FMN2: variants seen among roughly 807,000 people sequenced by gnomAD.
The protein encoded by FMN2 is formin-2.
A neutral mutation model predicts 142.3 loss-of-function variants in FMN2; 51 were observed. The ratio of observed to expected loss-of-function variants is 0.36; its 90% CI spans 0.29 to 0.45. The LOEUF is 0.45. Ranked by LOEUF, FMN2 falls within the 20% of genes least tolerant of loss-of-function variation. The pLI is 1.00. For missense variants in FMN2, 1,936 were observed against 2,122.8 expected (o/e 0.91, Z 1.73); for synonymous variants, 882 against 869.8 (o/e 1.01, Z -0.25).
chr1:240,217,635 G>C (rs1050458997), intron 6 of FMN2, among the ~76,000 whole-genome samples: 1 of 151,862 alleles, frequency 6.6e-6, no homozygotes, highest in African/African-American at 2.4e-5. Flanking sequence ...GTGGAATCTG[G>C]ATTTGTTTAA....
At position 240,474,157 on chromosome 1, in the gene FMN2, A is replaced by G. The variant is rs745754638; in HGVS notation, c.*3A>G. 2.6e-6 allele frequency: 4 copies of G among 1,551,834 alleles called. No individual in the cohort carries two copies. The highest frequency in any genetic ancestry group is 3.5e-6 in the Non-Finnish European group (4 of 1,157,974). On this transcript the variant is annotated 3_prime_UTR_variant, in exon 18 of 18. Transcript: ENST00000319653. ...CAAAGATAAGCATGAAAACTTGAAC[A>G]ATGAAAAGCAGAATGAAAATGAGTC...
chr1:240,420,277 C>T (rs1352654106), intron 15 of FMN2, among the ~76,000 whole-genome samples: 1 of 152,048 alleles, frequency 6.6e-6, no homozygotes, highest in Admixed American at 6.6e-5. Flanking sequence ...TGCTGGTGTG[C>T]CTACTTCTCT....
chr1:240,358,454 C>G (rs1672347594), intron 14 of FMN2, among the ~76,000 whole-genome samples: 1 of 152,170 alleles, frequency 6.6e-6, no homozygotes, highest in Admixed American at 6.5e-5. Context: ...GAATATGTTT[C>G]CTGTTCTAGT....
intron 2 of FMN2, among the ~76,000 whole-genome samples, chr1:240,175,641 C>T (rs773896452): frequency 6.6e-6 from 1 of 151,918 alleles, no homozygotes; most frequent in Non-Finnish European, 1.5e-5. Context: ...GCCACTATAC[C>T]TGGCTAATTT....
intron 16 of FMN2, among the ~76,000 whole-genome samples, chr1:240,462,955 AG>A (rs1458211300): frequency 6.6e-6 from 1 of 152,186 alleles, no homozygotes; most frequent in African/African-American, 2.4e-5. Context: ...AGGCAGTCCC[AG>A]GGGAACAGAT....
intron 6 of FMN2, among the ~76,000 whole-genome samples, chr1:240,215,811 C>T (rs375482319): frequency 3.9e-5 from 6 of 152,146 alleles, no homozygotes; most frequent in East Asian, 1.9e-4. Context: ...CGGGTTCAAG[C>T]GATTCTCCTG....
chr1:240,264,369 ATTTG>A (rs1668725513), intron 7 of FMN2, among the ~76,000 whole-genome samples: 1 of 152,120 alleles, frequency 6.6e-6, no homozygotes, highest in Non-Finnish European at 1.5e-5. Context: ...TCTTTTTTAA[ATTTG>A]TTTATTTATT....
At chr1:240,120,607 A>G (rs1662196418) in intron 1 of FMN2, among the ~76,000 whole-genome samples, 1 of 152,208 alleles carries the variant, frequency 6.6e-6, no homozygotes, top group Non-Finnish European at 1.5e-5. Flanking sequence ...GTCAGTGAGG[A>G]AGGTCAACTT....
chr1:240,245,594 C>T (rs1015433292), intron 6 of FMN2: 16 of 470,906 alleles, frequency 3.4e-5, no homozygotes, highest in Admixed American at 1.6e-4. Flanking sequence ...TATGGTTTTC[C>T]GTGCATTTAC....
intron 14 of FMN2, among the ~76,000 whole-genome samples, chr1:240,375,752 C>CTG (rs947028969): frequency 6.6e-6 from 1 of 152,302 alleles, no homozygotes; most frequent in African/African-American, 2.4e-5. Flanking sequence ...CATTCCCCAG[C>CTG]TGCAAGGGTG....
intron 15 of FMN2, among the ~76,000 whole-genome samples, chr1:240,416,737 A>G (rs1674588608): frequency 6.8e-6 from 1 of 146,822 alleles, no homozygotes; most frequent in South Asian, 2.2e-4. Context: ...AGAAATTTTG[A>G]TTTGTTGATT....
chr1:240,184,983 C>G (rs1665353117), intron 3 of FMN2, among the ~76,000 whole-genome samples: 3 of 147,122 alleles, frequency 2.0e-5, no homozygotes, highest in African/African-American at 7.5e-5. Flanking sequence ...CCTTCCCCTT[C>G]TCTTTCTCCC....
chr1:240,206,197 T>A (rs1558359368), intron 4 of FMN2, among the ~76,000 whole-genome samples: 1 of 152,160 alleles, frequency 6.6e-6, no homozygotes, highest in East Asian at 1.9e-4. Context: ...AACCACCATG[T>A]CTGGCCATCA....
intron 14 of FMN2, among the ~76,000 whole-genome samples, chr1:240,381,235 G>T (rs111673074): frequency 5.3e-5 from 8 of 151,842 alleles, no homozygotes; most frequent in Non-Finnish European, 1.2e-4. Context: ...AACACACAGG[G>T]GTATATCTCT....
At position 240,392,574 on chromosome 1, in the gene FMN2, C is replaced by T. The variant is rs1673640094; in HGVS notation, c.4910+12C>T. ...GAGACTCATAAATGGTGAGAAATTA[C>T]TTTATTTCCTCCCAGAATAGCGTTA... On this transcript the variant is annotated intron_variant, in intron 15 of 17. Coordinates refer to ENST00000319653, the MANE Select transcript of FMN2 (RefSeq NM_020066.5). 1 of 1,600,878 alleles carries T rather than the reference C, an allele frequency of 6.2e-7. No homozygotes were observed. The highest frequency in any genetic ancestry group is 8.5e-7 in the Non-Finnish European group (1 of 1,172,984).
intron 6 of FMN2, among the ~76,000 whole-genome samples, chr1:240,246,072 C>G (rs567959446): frequency 1.3e-5 from 2 of 152,170 alleles, no homozygotes; most frequent in Admixed American, 1.3e-4. Context: ...CCCAGCTACT[C>G]GGGAGACTGA....
chr1:240,168,760 A>G (rs1216588302), intron 2 of FMN2, among the ~76,000 whole-genome samples: 2 of 152,226 alleles, frequency 1.3e-5, no homozygotes, highest in Non-Finnish European at 2.9e-5. Context: ...AACAATACTG[A>G]AGTGGAACCA....
intron 6 of FMN2, among the ~76,000 whole-genome samples, chr1:240,255,744 T>C (rs1668432434): frequency 6.6e-6 from 1 of 152,128 alleles, no homozygotes; most frequent in Non-Finnish European, 1.5e-5. Flanking sequence ...GATATGTGTG[T>C]CATTTTAGAC....
intron 14 of FMN2, among the ~76,000 whole-genome samples, chr1:240,387,993 C>T (rs1055404031): frequency 2.0e-5 from 3 of 151,660 alleles, no homozygotes; most frequent in African/African-American, 4.8e-5. Context: ...CTGGCTAACA[C>T]GGTGAAACCC....
Sources: gnomAD v4.1 joint callset for allele counts (sites outside exome capture counted in the v4.1 genomes callset) on GRCh38, gnomAD v4.1.1 for gene constraint, MANE v1.5 for transcripts, NCBI Gene and HGNC (gene_info 2026-07-23, HGNC 2026-07-21) for gene names.